Variants in VPS41 observed in about 807,000 individuals in gnomAD.
The protein encoded by VPS41 is vacuolar protein sorting-associated protein 41 homolog.
Under a neutral mutation model 130.9 loss-of-function variants are expected in VPS41, and 85 were observed. The ratio of observed to expected loss-of-function variants is 0.65; its 90% CI spans 0.55 to 0.78. VPS41 has a LOEUF of 0.78. Ranked by LOEUF, VPS41 falls within the 30% of genes least tolerant of loss-of-function variation. The pLI is 0.00. For synonymous variants in VPS41, 335 were observed against 332.9 expected, an observed-to-expected ratio of 1.01 and a Z score of -0.07; for missense variants, 874 against 1,018.7, an observed-to-expected ratio of 0.86 and a Z score of 1.93.
intron 4 of VPS41, among the ~76,000 whole-genome samples, chr7:38,861,097 T>C (rs566239859): frequency 6.6e-6 from 1 of 152,212 alleles, no homozygotes; most frequent in South Asian, 2.1e-4. Flanking sequence ...TAGGATATAC[T>C]CGACATAAAA....
rs147527301 is a variant in VPS41 at position 38,787,373 on chromosome 7, G to C, written c.784+2428C>G. Among the ~76,000 whole-genome samples, 191 of 152,194 alleles carry C rather than the reference G, an allele frequency of 1.3e-3. 1 individual carries two copies. Among genetic ancestry groups the C allele is most frequent in the African/African-American group, 4.5e-3 (187 of 41,538 alleles). ...CAGGGAGTCCTGTGAGAATACAAGAGATGCAAGTGAAGTTAAAACATGGAT... is the reference window on the plus strand; with the variant it reads ...CAGGGAGTCCTGTGAGAATACAAGACATGCAAGTGAAGTTAAAACATGGAT... On this transcript the variant is annotated intron_variant, in intron 10 of 28. Coordinates refer to ENST00000310301, the MANE Select transcript of VPS41 (RefSeq NM_014396.4).
chr7:38,867,038 T>C (rs1786244486), intron 3 of VPS41, among the ~76,000 whole-genome samples: 1 of 152,180 alleles, frequency 6.6e-6, no homozygotes, highest in African/African-American at 2.4e-5. Flanking sequence ...AATCATTACA[T>C]TAAGTGAAAG....
chr7:38,887,325 A>G (rs1786755963), intron 2 of VPS41, among the ~76,000 whole-genome samples: 1 of 152,226 alleles, frequency 6.6e-6, no homozygotes, highest in Admixed American at 6.5e-5. Context: ...AGTGTAGAGA[A>G]GAGCTTAAAT....
At chr7:38,741,011 T>C (rs575180590) in intron 25 of VPS41, among the ~76,000 whole-genome samples, 1 of 152,244 alleles carries the variant, frequency 6.6e-6, no homozygotes, top group African/African-American at 2.4e-5. Flanking sequence ...CCCTTTCATC[T>C]CTTACATCTG....
rs533237325 is a variant in VPS41 at position 38,738,816 on chromosome 7, G to A, written c.2259+3169C>T. Among the ~76,000 whole-genome samples the A allele has an allele frequency of 6.0e-4, 91 of 152,260 alleles. 1 individual carries two copies. Among genetic ancestry groups the A allele is most frequent in the African/African-American group, 1.9e-3 (77 of 41,542 alleles). On this transcript the variant is annotated intron_variant, in intron 25 of 28. Coordinates refer to ENST00000310301, the MANE Select transcript of VPS41 (RefSeq NM_014396.4). ...CAGTGATTACACTAACAAGGTAGCCGGGTATAAAAACATAGAAAGTTAAAG... is the reference window on the plus strand; with the variant it reads ...CAGTGATTACACTAACAAGGTAGCCAGGTATAAAAACATAGAAAGTTAAAG...
intron 4 of VPS41, among the ~76,000 whole-genome samples, chr7:38,849,468 T>G (rs1022686658): frequency 4.6e-5 from 7 of 152,148 alleles, no homozygotes; most frequent in African/African-American, 1.7e-4. Context: ...ACTGCAAGGT[T>G]TTATTGAGTG....
chr7:38,820,885 C>T (rs548753266), intron 6 of VPS41, among the ~76,000 whole-genome samples: 19 of 152,252 alleles, frequency 1.2e-4, no homozygotes, highest in East Asian at 3.9e-4. Flanking sequence ...AGCTTTGGAA[C>T]GCTTAATATT....
intron 4 of VPS41, among the ~76,000 whole-genome samples, chr7:38,842,259 C>T (rs1190703261): frequency 6.6e-6 from 1 of 152,156 alleles, no homozygotes; most frequent in East Asian, 1.9e-4. Context: ...ACTGCTGTAG[C>T]AAATGATCTC....
chr7:38,740,425 G>T (rs1298500374), intron 25 of VPS41, among the ~76,000 whole-genome samples: 1 of 152,052 alleles, frequency 6.6e-6, no homozygotes, highest in African/African-American at 2.4e-5. Context: ...GGATTCCTAG[G>T]GCGTGGCATG....
chr7:38,852,691 G>A (rs1176839245), intron 4 of VPS41, among the ~76,000 whole-genome samples: 2 of 152,202 alleles, frequency 1.3e-5, no homozygotes, highest in Admixed American at 1.3e-4. Context: ...GCTTGTTTAA[G>A]AAAGAAGTAT....
At chr7:38,829,488 T>A (rs1381342939) in intron 5 of VPS41, among the ~76,000 whole-genome samples, 1 of 152,196 alleles carries the variant, frequency 6.6e-6, no homozygotes, top group Non-Finnish European at 1.5e-5. Context: ...TCTCAAACTG[T>A]TATTTTAGAA....
intron 4 of VPS41, among the ~76,000 whole-genome samples, chr7:38,846,280 C>T (rs1024351342): frequency 3.3e-5 from 5 of 152,176 alleles, no homozygotes; most frequent in African/African-American, 1.2e-4. Flanking sequence ...AGTGACTTGA[C>T]TTAAGAGCAG....
At chr7:38,784,878 C>T (rs1378094646) in intron 10 of VPS41, among the ~76,000 whole-genome samples, 1 of 152,158 alleles carries the variant, frequency 6.6e-6, no homozygotes, top group Non-Finnish European at 1.5e-5. Flanking sequence ...TTCTTATTCC[C>T]TTATTGGTCC....
At chr7:38,755,463 T>C (rs1783772527) in intron 19 of VPS41, among the ~76,000 whole-genome samples, 2 of 152,164 alleles carry the variant, frequency 1.3e-5, no homozygotes. Flanking sequence ...TTTTGGACTT[T>C]CAGAATTTAC....
chr7:38,749,131 G>A (rs111335756), intron 22 of VPS41, among the ~76,000 whole-genome samples: 21 of 152,174 alleles, frequency 1.4e-4, no homozygotes, highest in African/African-American at 5.1e-4. Flanking sequence ...TTTCAGAGTC[G>A]TGGTGATTTT....
At chr7:38,878,272 A>T (rs1262224654) in intron 2 of VPS41, among the ~76,000 whole-genome samples, 1 of 152,212 alleles carries the variant, frequency 6.6e-6, no homozygotes, top group Non-Finnish European at 1.5e-5. Context: ...AATATGAGAC[A>T]CACAAAAAAA....
intron 10 of VPS41, among the ~76,000 whole-genome samples, chr7:38,786,890 AAG>A (rs1487677057): frequency 6.6e-6 from 1 of 152,168 alleles, no homozygotes; most frequent in Non-Finnish European, 1.5e-5. Context: ...CAGGTGGATA[AAG>A]AGAGATACTT....
intron 1 of VPS41, among the ~76,000 whole-genome samples, chr7:38,905,307 G>C (rs968532815): frequency 1.3e-5 from 2 of 152,122 alleles, no homozygotes; most frequent in Non-Finnish European, 2.9e-5. Context: ...AAATACTGTT[G>C]GGCATCTGTG....
chr7:38,732,122 A>G (rs1795676630), intron 25 of VPS41, among the ~76,000 whole-genome samples: 1 of 152,174 alleles, frequency 6.6e-6, no homozygotes, highest in South Asian at 2.1e-4. Flanking sequence ...GTGCCATATG[A>G]AGTGTGGATG....
Sources: allele counts gnomAD v4.1 joint callset (sites outside exome capture counted in the v4.1 genomes callset), GRCh38; gene constraint gnomAD v4.1.1; transcripts MANE v1.5; gene names NCBI Gene and HGNC (gene_info 2026-07-23, HGNC 2026-07-21).